TMEM107: variants seen among roughly 807,000 people sequenced by gnomAD.
TMEM107 encodes transmembrane protein 107.
Under a neutral mutation model 16.8 loss-of-function variants are expected in TMEM107, and 18 were observed. That is an observed-to-expected ratio of 1.07 (90% CI 0.74 to 1.59). The LOEUF is 1.59. Ranked by LOEUF, TMEM107 falls within the 40% of genes most tolerant of loss-of-function variation. The pLI is 0.00. For synonymous variants in TMEM107, 68 were observed against 71.6 expected, an observed-to-expected ratio of 0.95 and a Z score of 0.25; for missense variants, 152 against 175.4, an observed-to-expected ratio of 0.87 and a Z score of 0.75.
At position 8,173,445 on chromosome 17, in the gene TMEM107, T is replaced by A. The variant is rs768656137; in HGVS notation, c.*758A>T. On this transcript the variant is annotated 3_prime_UTR_variant, in exon 5 of 5. Coordinates refer to ENST00000437139, the MANE Select transcript of TMEM107 (RefSeq NM_183065.4). ...AGCATAACACAAATGTAAGTGATCG[T>A]CAGAAAGAATCAGACAGGAGCAATC... 7.9e-6 allele frequency: 6 copies of A among 761,930 alleles called. No individual in the cohort carries two copies. Among genetic ancestry groups the A allele is most frequent in the Non-Finnish European group, 1.4e-5 (6 of 416,632 alleles). 47.2% of individuals were successfully genotyped at this position (761,930 alleles called of 1,614,324 possible).
intron 3 of TMEM107, 28 bp from the exon 4 acceptor site, chr17:8,174,644 T>G (rs1346746802): frequency 6.2e-7 from 1 of 1,602,154 alleles, no homozygotes. Context: ...TTAAGGAAAG[T>G]CTTTGGATCG....
rs760910205 is a variant in TMEM107, at chr17:8,174,190, G to C, written c.*13C>G. 6.2e-7 allele frequency: 1 copy of C among 1,612,890 alleles called. No homozygotes were observed. Among genetic ancestry groups the C allele is most frequent in the Admixed American group, 1.7e-5 (1 of 60,020 alleles). The stretch of plus-strand genomic sequence containing the variant: ...CTGTAGGCTTCGTCCTTAGGTTCCC[G>C]TCATGAAGGTAATCAGAAGGGTTTC... On this transcript the variant is annotated 3_prime_UTR_variant, in exon 5 of 5. Transcript: ENST00000437139.
At chr17:8,175,603 T>C in intron 3 of TMEM107, 154 bp downstream of exon 3, 1 of 792,512 alleles carries the variant, frequency 1.3e-6, no homozygotes, top group Non-Finnish European at 2.2e-6. Context: ...CATTTTGGGA[T>C]TTTAAGTGCC....
In TMEM107 at chr17:8,173,280, C is replaced by T. The variant is rs939705120; in HGVS notation, c.*923G>A. 6 of 521,576 alleles carry T rather than the reference C, an allele frequency of 1.2e-5. No individual in the cohort carries two copies. Among genetic ancestry groups the T allele is most frequent in the African/African-American group, 5.8e-5 (3 of 52,044 alleles). The allele number at this position is 521,576 out of a possible 1,614,324, so 32.3% of individuals were successfully genotyped here. A position where few individuals can be genotyped will look rare whatever the true frequency, so the allele number is the denominator to read the frequency against. On this transcript the variant is annotated 3_prime_UTR_variant, in exon 5 of 5. Transcript: ENST00000437139. The stretch of plus-strand genomic sequence containing the variant: ...CTAAATTCCAGAAAGCAACAAAAAC[C>T]AAATCACAATTTTCAAGAACAAACA...
chr17:8,173,217 G>A lies in TMEM107; in HGVS notation c.*986C>T, dbSNP rs879360048. On this transcript the variant is annotated 3_prime_UTR_variant, in exon 5 of 5. Transcript: ENST00000437139. ...GAAGTGAGGATTAAAGTTATCAAAC[G>A]ACAAAAAACAAAGAGCCCATTTGTA... is the stretch of plus-strand genomic sequence containing the variant. 12 of 426,788 alleles carry A rather than the reference G, an allele frequency of 2.8e-5. No homozygotes were observed. The highest frequency in any genetic ancestry group is 1.6e-4 in the East Asian group (4 of 24,604). 26.4% of individuals were successfully genotyped at this position (426,788 alleles called of 1,614,324 possible).
In TMEM107 at chr17:8,176,372, T is replaced by C. The variant is rs1395543680; in HGVS notation, c.-86A>G. 2 of 1,090,872 alleles carry C rather than the reference T, an allele frequency of 1.8e-6. No homozygotes were observed. The highest frequency in any genetic ancestry group is 2.7e-6 in the Non-Finnish European group (2 of 753,662). 67.6% of individuals were successfully genotyped at this position (1,090,872 alleles called of 1,614,324 possible). A position where few individuals can be genotyped will look rare whatever the true frequency, so the allele number is the denominator to read the frequency against. ...AAGTCTCCCCGCAAGCCGACAAATC[T>C]AGACGAACGCCTCCTTCCCGCCCGC... On this transcript the variant is annotated 5_prime_UTR_variant, in exon 1 of 5. Coordinates refer to ENST00000437139, the MANE Select transcript of TMEM107 (RefSeq NM_183065.4).
At position 8,174,206 on chromosome 17, in the gene TMEM107, G is replaced by A. The variant is rs757401163; in HGVS notation, c.420C>T (p.Phe140=). Reference sequence around the variant, plus strand: ...TAGGTTCCCGTCATGAAGGTAATCAGAAGGGTTTCTTTTTCAGCCCAAAGA... The same window carrying A: ...TAGGTTCCCGTCATGAAGGTAATCAAAAGGGTTTCTTTTTCAGCCCAAAGA... The part of the protein sequence containing the change: ...VTVFGLKKKP[F] The change falls in exon 5 of 5, where the codon TTC becomes TTT. Residue 140 remains phenylalanine (F), a synonymous_variant. Coordinates refer to ENST00000437139, the MANE Select transcript of TMEM107 (RefSeq NM_183065.4). The A allele has an allele frequency of 6.2e-7, 1 of 1,614,058 alleles. No individual in the cohort carries two copies. Among genetic ancestry groups the A allele is most frequent in the South Asian group, 1.1e-5 (1 of 91,072 alleles).
At position 8,173,662 on chromosome 17, in the gene TMEM107, T is replaced by G; in HGVS notation, c.*541A>C. On this transcript the variant is annotated 3_prime_UTR_variant, in exon 5 of 5. Transcript: ENST00000437139. ...AAGCTAGGGTGAGTTCATAACGCGC[T>G]GGTATGAGCAATCCTATTATTTAGC... is the stretch of plus-strand genomic sequence containing the variant. 1.0e-5 allele frequency: 7 copies of G among 700,266 alleles called. No homozygotes were observed. Among genetic ancestry groups the G allele is most frequent in the Non-Finnish European group, 1.6e-5 (6 of 379,736 alleles). 43.4% of individuals were successfully genotyped at this position (700,266 alleles called of 1,614,324 possible). A position where few individuals can be genotyped will look rare whatever the true frequency, so the allele number is the denominator to read the frequency against.
At position 8,174,281 on chromosome 17, in the gene TMEM107, G is replaced by C. The variant is rs774229707; in HGVS notation, c.354-9C>G. 2.4e-5 allele frequency: 39 copies of C among 1,612,108 alleles called. 1 individual carries two copies. In the Admixed American group the frequency reaches 5.5e-4, roughly 23 times the overall value. On this transcript the variant is annotated splice_polypyrimidine_tract_variant and intron_variant, in intron 4 of 4. Coordinates refer to ENST00000437139, the MANE Select transcript of TMEM107 (RefSeq NM_183065.4). ...TGACAGCTGGAAGGGCACTACCAAG[G>C]CAAGTGGTAGATTCAGAAACCCTTT... is the stretch of plus-strand genomic sequence containing the variant.
In TMEM107 at chr17:8,173,427, C is replaced by G. The variant is rs375567827; in HGVS notation, c.*776G>C. On this transcript the variant is annotated 3_prime_UTR_variant, in exon 5 of 5. Coordinates refer to ENST00000437139, the MANE Select transcript of TMEM107 (RefSeq NM_183065.4). Reference sequence around the variant, plus strand: ...TGTGGATATCTGCTAATCAGCATAACACAAATGTAAGTGATCGTCAGAAAG... The same window carrying G: ...TGTGGATATCTGCTAATCAGCATAAGACAAATGTAAGTGATCGTCAGAAAG... The G allele has an allele frequency of 1.3e-6, 1 of 754,634 alleles. No homozygotes were observed. The highest frequency in any genetic ancestry group is 2.4e-6 in the Non-Finnish European group (1 of 414,222). 46.7% of individuals were successfully genotyped at this position (754,634 alleles called of 1,614,324 possible).
At position 8,173,580 on chromosome 17, in the gene TMEM107, C is replaced by T. The variant is rs76749993; in HGVS notation, c.*623G>A. The stretch of plus-strand genomic sequence containing the variant: ...GGAGGAACAGGTAAGGATTATCCCA[C>T]CTGACGATACAGACAAACAGCCGAC... On this transcript the variant is annotated 3_prime_UTR_variant, in exon 5 of 5. Coordinates refer to ENST00000437139, the MANE Select transcript of TMEM107 (RefSeq NM_183065.4). The T allele has an allele frequency of 2.4e-3, 1,852 of 764,286 alleles. 13 individuals are homozygous for T. Among genetic ancestry groups the T allele is most frequent in the African/African-American group, 0.02 (1,211 of 59,218 alleles). The allele number at this position is 764,286 out of a possible 1,614,324, so 47.3% of individuals were successfully genotyped here.
chr17:8,173,398 T>C lies in TMEM107; in HGVS notation c.*805A>G, dbSNP rs368467892. On this transcript the variant is annotated 3_prime_UTR_variant, in exon 5 of 5. Coordinates refer to ENST00000437139, the MANE Select transcript of TMEM107 (RefSeq NM_183065.4). Reference sequence around the variant, plus strand: ...TATCCCAGTCAGAACTTCATAGCTATGTTTGTGGATATCTGCTAATCAGCA... The same window carrying C: ...TATCCCAGTCAGAACTTCATAGCTACGTTTGTGGATATCTGCTAATCAGCA... 1.2e-4 allele frequency: 89 copies of C among 719,530 alleles called. 2 individuals carry two copies. Among genetic ancestry groups the C allele is most frequent in the South Asian group, 6.1e-4 (42 of 69,314 alleles). The allele number at this position is 719,530 out of a possible 1,614,324, so 44.6% of individuals were successfully genotyped here.
In TMEM107 at chr17:8,173,724, T is replaced by C; in HGVS notation, c.*479A>G. ...TGTTTTGCCATATTAGCTCGCACATTTTTTTAAATTTTTTTTTCATTCGGC... is the reference window on the plus strand; with the variant it reads ...TGTTTTGCCATATTAGCTCGCACATCTTTTTAAATTTTTTTTTCATTCGGC... On this transcript the variant is annotated 3_prime_UTR_variant, in exon 5 of 5. Coordinates refer to ENST00000437139, the MANE Select transcript of TMEM107 (RefSeq NM_183065.4). 1.8e-6 allele frequency: 1 copy of C among 558,448 alleles called. No individual in the cohort carries two copies. Among genetic ancestry groups the C allele is most frequent in the Non-Finnish European group, 3.2e-6 (1 of 314,204 alleles). 34.6% of individuals were successfully genotyped at this position (558,448 alleles called of 1,614,324 possible).
rs111578105 is a variant in TMEM107 at position 8,173,340 on chromosome 17, T to C, written c.*863A>G. 39 of 595,752 alleles carry C rather than the reference T, an allele frequency of 6.5e-5. No individual in the cohort carries two copies. The highest frequency in any genetic ancestry group is 4.7e-4 in the East Asian group (17 of 36,226). The allele number at this position is 595,752 out of a possible 1,614,324, so 36.9% of individuals were successfully genotyped here. Reference sequence around the variant, plus strand: ...AGACTGCAAAATAGACAAACAGCAATAGCAAGACTGCAAAATAGACAAACA... The same window carrying C: ...AGACTGCAAAATAGACAAACAGCAACAGCAAGACTGCAAAATAGACAAACA... On this transcript the variant is annotated 3_prime_UTR_variant, in exon 5 of 5. Coordinates refer to ENST00000437139, the MANE Select transcript of TMEM107 (RefSeq NM_183065.4).
In TMEM107 at chr17:8,173,993, T is replaced by C. The variant is rs1320426560; in HGVS notation, c.*210A>G. ...ATTGTCCCCTAAAACTGTATATAAG[T>C]CTTAATGTTACTACAAAACATATTT... is the stretch of plus-strand genomic sequence containing the variant. On this transcript the variant is annotated 3_prime_UTR_variant, in exon 5 of 5. Coordinates refer to ENST00000437139, the MANE Select transcript of TMEM107 (RefSeq NM_183065.4). 1 of 582,316 alleles carries C rather than the reference T, an allele frequency of 1.7e-6. No individual in the cohort carries two copies. The highest frequency in any genetic ancestry group is 1.9e-5 in the African/African-American group (1 of 53,424). 36.1% of individuals were successfully genotyped at this position (582,316 alleles called of 1,614,324 possible).
In TMEM107 at chr17:8,173,452, G is replaced by C. The variant is rs117595965; in HGVS notation, c.*751C>G. ...CACAAATGTAAGTGATCGTCAGAAAGAATCAGACAGGAGCAATCAGGGTGT... is the reference window on the plus strand; with the variant it reads ...CACAAATGTAAGTGATCGTCAGAAACAATCAGACAGGAGCAATCAGGGTGT... On this transcript the variant is annotated 3_prime_UTR_variant, in exon 5 of 5. Transcript: ENST00000437139. The C allele has an allele frequency of 2.4e-5, 18 of 762,816 alleles. No homozygotes were observed. The highest frequency in any genetic ancestry group is 3.4e-5 in the Non-Finnish European group (14 of 417,166). 47.3% of individuals were successfully genotyped at this position (762,816 alleles called of 1,614,324 possible).
Position 8,175,256 on chromosome 17 carries a change from G to A in TMEM107, c.256+501C>T, listed in dbSNP as rs1305070920. 12 of 216,912 alleles carry A rather than the reference G, an allele frequency of 5.5e-5. No individual in the cohort carries two copies. The East Asian group carries it at 1.3e-3, about 23-fold the overall frequency. 13.4% of individuals were successfully genotyped at this position (216,912 alleles called of 1,614,324 possible). On this transcript the variant is annotated intron_variant, in intron 3 of 4. Transcript: ENST00000437139. ...AATTTTTGTATTTTTAGTAGAGACG[G>A]GGGTTTCACCATGTTGGTCAGGCCG...
At position 8,173,542 on chromosome 17, in the gene TMEM107, T is replaced by TA. The variant is rs762833917; in HGVS notation, c.*660_*661insT. On this transcript the variant is annotated 3_prime_UTR_variant, in exon 5 of 5. Transcript: ENST00000437139. ...TGCATCTCCAATCATCATGTTCTAA[T>TA]CTGCCCTCCGGAGGAGGAACAGGTA... 31 of 765,314 alleles carry TA rather than the reference T, an allele frequency of 4.1e-5. No homozygotes were observed. The highest frequency in any genetic ancestry group is 2.3e-4 in the Middle Eastern group (1 of 4,444). The allele number at this position is 765,314 out of a possible 1,614,324, so 47.4% of individuals were successfully genotyped here.
rs1486842410 is a variant in TMEM107 at position 8,172,871 on chromosome 17, A to AC, written c.*1331_*1332insG. Among the ~76,000 whole-genome samples, 18 of 146,700 alleles carry AC rather than the reference A, an allele frequency of 1.2e-4. No homozygotes were observed. Among genetic ancestry groups the AC allele is most frequent in the African/African-American group, 4.2e-4 (17 of 40,502 alleles). ...AGACTGTCTCAAAAAAAAAAAAAAA[A>AC]AAAACCAAAAGAGGGGGGTGGTCAA... On this transcript the variant is annotated 3_prime_UTR_variant, in exon 5 of 5. Transcript: ENST00000437139.
Sources: allele counts gnomAD v4.1 joint callset (sites outside exome capture counted in the v4.1 genomes callset), GRCh38; gene constraint gnomAD v4.1.1; transcripts MANE v1.5; gene names NCBI Gene and HGNC (gene_info 2026-07-23, HGNC 2026-07-21).